Variants in NOS1 observed in about 807,000 individuals in gnomAD.
The protein encoded by NOS1 is nitric oxide synthase 1, also known as NOS type I.
A neutral mutation model predicts 164.5 loss-of-function variants in NOS1; 51 were observed. The observed-to-expected ratio is 0.31, with a 90% CI of 0.25 to 0.39. The LOEUF (loss-of-function observed/expected upper bound fraction) is 0.39. Among genes scored for constraint, NOS1 ranks in the 10% least tolerant of loss-of-function variants. NOS1 has a pLI of 1.00. For synonymous variants in NOS1, 719 were observed against 745.8 expected (o/e 0.96, Z 0.59); for missense variants, 1,362 against 1,885.6 (o/e 0.72, Z 5.14).
At chr12:117,247,218 T>G in intron 18 of NOS1, 130 bp downstream of exon 18, 1 of 712,730 alleles carries the variant, frequency 1.4e-6, no homozygotes, top group Non-Finnish European at 2.2e-6. Flanking sequence ...TAAAGCTGTA[T>G]CTTGGCTGGA....
intron 4 of NOS1, 149 bp from the exon 5 acceptor site, chr12:117,288,368 G>C (rs1872844768): frequency 1.4e-5 from 9 of 664,016 alleles, no homozygotes; most frequent in Non-Finnish European, 2.3e-5. Context: ...TCAAATCCTT[G>C]GTGGATATGA....
intron 13 of NOS1, among the ~76,000 whole-genome samples, chr12:117,263,384 C>T (rs908126478): frequency 6.6e-6 from 1 of 152,058 alleles, no homozygotes; most frequent in African/African-American, 2.4e-5. Context: ...GTAATCCTAG[C>T]ACTTTGGGAG....
At chr12:117,358,516 T>C (rs1011943017) in intron 1 of NOS1, among the ~76,000 whole-genome samples, 7 of 152,210 alleles carry the variant, frequency 4.6e-5, no homozygotes, top group African/African-American at 1.7e-4. Flanking sequence ...TGTTTCGGGT[T>C]CCCTTCCTTC....
chr12:117,327,678 C>T (rs931493038), intron 2 of NOS1, among the ~76,000 whole-genome samples: 7 of 152,220 alleles, frequency 4.6e-5, no homozygotes, highest in African/African-American at 1.4e-4. Flanking sequence ...CTCACTGAGA[C>T]GTCACACAAT....
At position 117,311,480 on chromosome 12, in the gene NOS1, A is replaced by C. The variant is rs1208168663; in HGVS notation, c.838T>G (p.Ser280Ala). 1 of 1,609,342 alleles carries C rather than the reference A, an allele frequency of 6.2e-7. No individual in the cohort carries two copies. The highest frequency in any genetic ancestry group is 8.5e-7 in the Non-Finnish European group (1 of 1,178,106). Residue 280 changes from serine (S) to alanine (A), a missense_variant, in exon 3 of 29, where the codon TCA (serine) becomes GCA (alanine). Around this residue, in one of 4 missense-constraint regions of NOS1, gnomAD observed 362 missense variants for 402.0 expected, o/e 0.90. Transcript: ENST00000317775. ...CAAGCACTTACCTGCTCCTTCTCTGAATATGGGTTGTTGAGGACGACAGGC... is the reference window on the plus strand; with the variant it reads ...CAAGCACTTACCTGCTCCTTCTCTGCATATGGGTTGTTGAGGACGACAGGC... ...NVPVVLNNPYSEKEQPPTSGK... is the reference protein window; with the variant it reads ...NVPVVLNNPYAEKEQPPTSGK...
intron 16 of NOS1, among the ~76,000 whole-genome samples, chr12:117,257,962 G>A (rs1093327): frequency 0.097 from 14,643 of 151,734 alleles, 740 homozygotes; most frequent in South Asian, 0.11. Context: ...GCGCCACCAC[G>A]CCCGCCTAAT....
rs1485570559 is a variant in NOS1 at position 117,253,569 on chromosome 12, G to T, written c.2648+69C>A. ...CTCTCCACAACGAAGCGCTCACTTT[G>T]TAAGTAGGTCAAGCTCCCCAGGAGC... On this transcript the variant is annotated intron_variant, in intron 17 of 28. Coordinates refer to ENST00000317775, the MANE Select transcript of NOS1 (RefSeq NM_000620.5). 2.9e-6 allele frequency: 3 copies of T among 1,034,208 alleles called. No individual in the cohort carries two copies. In the East Asian group the frequency reaches 7.1e-5, roughly 25 times the overall value. The allele number at this position is 1,034,208 out of a possible 1,614,324, so 64.1% of individuals were successfully genotyped here.
At chr12:117,313,562 C>T (rs1874535572) in intron 2 of NOS1, among the ~76,000 whole-genome samples, 1 of 152,164 alleles carries the variant, frequency 6.6e-6, no homozygotes, top group African/African-American at 2.4e-5. Context: ...TCTCAAAGTG[C>T]TGGGATTACA....
chr12:117,296,091 T>A (rs1419373830), intron 3 of NOS1, among the ~76,000 whole-genome samples: 1 of 152,200 alleles, frequency 6.6e-6, no homozygotes, highest in Non-Finnish European at 1.5e-5. Flanking sequence ...ATCTTGTAGA[T>A]ATAGATTTAC....
At chr12:117,315,474 T>C (rs977863916) in intron 2 of NOS1, among the ~76,000 whole-genome samples, 2 of 152,220 alleles carry the variant, frequency 1.3e-5, no homozygotes, top group African/African-American at 4.8e-5. Flanking sequence ...AAGGATATTT[T>C]TAATATGGGA....
intron 1 of NOS1, among the ~76,000 whole-genome samples, chr12:117,348,622 C>T (rs538379749): frequency 1.3e-5 from 2 of 152,270 alleles, no homozygotes; most frequent in South Asian, 4.2e-4. Context: ...ACGAAATCGT[C>T]GTATAAATTT....
At chr12:117,359,759 A>G (rs1219646158) in intron 1 of NOS1, among the ~76,000 whole-genome samples, 4 of 150,834 alleles carry the variant, frequency 2.7e-5, no homozygotes, top group Non-Finnish European at 5.9e-5. Context: ...GGCGAGAGCA[A>G]TCTTCCGCAG....
chr12:117,312,806 C>T lies in NOS1; in HGVS notation c.726-1214G>A, dbSNP rs9658298. ...TGCTCAAGGTCACACAGTGGCAAAG[C>T]CTAGTATTCCAGCCCACTCATCACA... On this transcript the variant is annotated intron_variant, in intron 2 of 28. Coordinates refer to ENST00000317775, the MANE Select transcript of NOS1 (RefSeq NM_000620.5). Among the ~76,000 whole-genome samples, 1,012 of 152,162 alleles carry T rather than the reference C, an allele frequency of 6.7e-3. 47 individuals carry two copies. In the East Asian group the frequency reaches 0.12, roughly 18 times the overall value.
Position 117,250,700 on chromosome 12 carries a change from G to A in NOS1, c.2648+2938C>T, listed in dbSNP as rs117443288. Among the ~76,000 whole-genome samples the A allele has an allele frequency of 1.5e-3, 225 of 152,190 alleles. 1 individual carries two copies. Among genetic ancestry groups the A allele is most frequent in the Non-Finnish European group, 2.4e-3 (163 of 68,010 alleles). On this transcript the variant is annotated intron_variant, in intron 17 of 28. Coordinates refer to ENST00000317775, the MANE Select transcript of NOS1 (RefSeq NM_000620.5). Reference sequence around the variant, plus strand: ...CCCTTTTCTTGCAGGGTGGCGGCCTGACAGGTAGACAGAGATGGTGACTGG... The same window carrying A: ...CCCTTTTCTTGCAGGGTGGCGGCCTAACAGGTAGACAGAGATGGTGACTGG...
chr12:117,282,651 G>T (rs1246590920), intron 7 of NOS1, among the ~76,000 whole-genome samples: 1 of 152,168 alleles, frequency 6.6e-6, no homozygotes, highest in African/African-American at 2.4e-5. Flanking sequence ...CTAGAATCCA[G>T]GCTGGAGGCC....
At chr12:117,227,682 T>A in intron 22 of NOS1, 41 bp from the exon 23 acceptor site, 1 of 1,597,864 alleles carries the variant, frequency 6.3e-7, no homozygotes. Flanking sequence ...TGAACCCAGC[T>A]GCCACATACT....
chr12:117,341,100 C>T (rs1243934312), intron 1 of NOS1, among the ~76,000 whole-genome samples: 3 of 152,044 alleles, frequency 2.0e-5, no homozygotes, highest in Non-Finnish European at 4.4e-5. Flanking sequence ...CCTTTTACCA[C>T]CACTATTACT....
rs1289556372 is a variant in NOS1 at position 117,231,216 on chromosome 12, C to T, written c.3405+746G>A. On this transcript the variant is annotated intron_variant, in intron 22 of 28. Coordinates refer to ENST00000317775, the MANE Select transcript of NOS1 (RefSeq NM_000620.5). ...CCTGTAATTCCAGCTGCTCGGGAGG[C>T]TGAGGCACGAGAATCCTTTGAGCCC... Among the ~76,000 whole-genome samples, 3 of 151,732 alleles carry T rather than the reference C, an allele frequency of 2.0e-5. No individual in the cohort carries two copies. In the East Asian group the frequency reaches 5.8e-4, roughly 29 times the overall value.
At chr12:117,317,630 C>G (rs1051050610) in intron 2 of NOS1, among the ~76,000 whole-genome samples, 4 of 151,982 alleles carry the variant, frequency 2.6e-5, no homozygotes, top group Non-Finnish European at 5.9e-5. Flanking sequence ...CATCCTTGCT[C>G]TATGCTCACC....
Sources: gnomAD v4.1 joint callset for allele counts (sites outside exome capture counted in the v4.1 genomes callset) on GRCh38, gnomAD v4.1.1 for gene constraint, gnomAD v4.1.1 regional missense constraint, MANE v1.5 for transcripts, NCBI Gene and HGNC (gene_info 2026-07-23, HGNC 2026-07-21) for gene names.